DIS3L2: variants seen among roughly 807,000 people sequenced by gnomAD.
DIS3L2 encodes the protein DIS3 like 3'-5' exoribonuclease 2, also known as DIS3-like exonuclease 2.
Under a neutral mutation model 97.5 loss-of-function variants are expected in DIS3L2, and 34 were observed. That is an observed-to-expected ratio of 0.35 (90% CI 0.27 to 0.46). The LOEUF (loss-of-function observed/expected upper bound fraction) is 0.46. DIS3L2 is among the 20% of genes least tolerant of loss of function. The pLI is 1.00. For synonymous variants in DIS3L2, 435 were observed against 445.2 expected, an observed-to-expected ratio of 0.98 and a Z score of 0.29; for missense variants, 1,038 against 1,146.0, an observed-to-expected ratio of 0.91 and a Z score of 1.36.
Position 232,333,977 on chromosome 2 carries a change from T to A in DIS3L2, c.2148T>A (p.Ala716=), listed in dbSNP as rs778725550. 1.9e-6 allele frequency: 3 copies of A among 1,608,146 alleles called. No individual in the cohort carries two copies. The highest frequency in any genetic ancestry group is 2.5e-6 in the Non-Finnish European group (3 of 1,177,364). ...FADVLVHRLL[A]AALGYRERLD... is the part of the protein sequence containing the mutation. ...ACGTCCTGGTGCACCGCCTCCTGGCTGCCGCGTTAGGTGAGGGGTGCAGTC... is the reference window on the plus strand; with the variant it reads ...ACGTCCTGGTGCACCGCCTCCTGGCAGCCGCGTTAGGTGAGGGGTGCAGTC... Residue 716 remains alanine (A), a synonymous_variant, in exon 17 of 21, where the codon GCT becomes GCA. Transcript: ENST00000325385.
At position 232,232,283 on chromosome 2, in the gene DIS3L2, C is replaced by T. The variant is rs115569625; in HGVS notation, c.1205-6250C>T. 8.6e-3 allele frequency among the ~76,000 whole-genome samples: 1,306 copies of T among 152,216 alleles called. 15 individuals are homozygous for T. Among genetic ancestry groups the T allele is most frequent in the African/African-American group, 0.029 (1,223 of 41,516 alleles). On this transcript the variant is annotated intron_variant, in intron 10 of 20. Coordinates refer to ENST00000325385, the MANE Select transcript of DIS3L2 (RefSeq NM_152383.5). ...GCAGGCCACAGAAGCCAGGTCTGGG[C>T]TGCGTGCTCAGGGCAGCAGGGCCTC...
chr2:232,135,221 T>C (rs1698323720), intron 7 of DIS3L2, among the ~76,000 whole-genome samples: 1 of 152,106 alleles, frequency 6.6e-6, no homozygotes, highest in African/African-American at 2.4e-5. Flanking sequence ...GGCCAGACTG[T>C]AAGCCAGGTT....
At chr2:232,164,854 A>G (rs774968261) in intron 9 of DIS3L2, among the ~76,000 whole-genome samples, 11 of 152,196 alleles carry the variant, frequency 7.2e-5, no homozygotes, top group Admixed American at 2.0e-4. Flanking sequence ...GGCCCATAAC[A>G]TTAACCTCTC....
intron 10 of DIS3L2, among the ~76,000 whole-genome samples, chr2:232,232,177 T>G (rs1692810899): frequency 6.6e-6 from 1 of 150,660 alleles, no homozygotes; most frequent in Admixed American, 6.6e-5. Flanking sequence ...TCTTGTGAAG[T>G]GGTGATAGAG....
chr2:232,142,979 A>G (rs1307376179), intron 8 of DIS3L2, among the ~76,000 whole-genome samples: 2 of 152,214 alleles, frequency 1.3e-5, no homozygotes, highest in African/African-American at 4.8e-5. Flanking sequence ...GAGTAGTAAT[A>G]CGATAGTGGT....
At chr2:232,331,349 G>A (rs561568230) in intron 16 of DIS3L2, among the ~76,000 whole-genome samples, 52 of 152,320 alleles carry the variant, frequency 3.4e-4, no homozygotes, top group East Asian at 2.9e-3. Flanking sequence ...GAGGACCCTC[G>A]GGTCAGCGGG....
At chr2:232,050,640 A>T (rs146778626) in intron 5 of DIS3L2, among the ~76,000 whole-genome samples, 19 of 152,172 alleles carry the variant, frequency 1.2e-4, no homozygotes, top group African/African-American at 4.3e-4. Context: ...TCTTTTCCAG[A>T]TAGATCTTTA....
intron 11 of DIS3L2, among the ~76,000 whole-genome samples, chr2:232,246,174 G>C (rs1007816978): frequency 6.6e-6 from 1 of 152,186 alleles, no homozygotes; most frequent in African/African-American, 2.4e-5. Context: ...GACTGTGTAG[G>C]ATGGCCCCAA....
intron 9 of DIS3L2, among the ~76,000 whole-genome samples, chr2:232,175,538 G>A (rs572456317): frequency 4.6e-5 from 7 of 152,234 alleles, no homozygotes; most frequent in African/African-American, 1.7e-4. Context: ...GGAAGAGTTT[G>A]TGAAGAATTT....
chr2:232,192,123 G>A (rs1175092698), intron 9 of DIS3L2, among the ~76,000 whole-genome samples: 1 of 152,018 alleles, frequency 6.6e-6, no homozygotes. Context: ...GTGTACAGAA[G>A]TTTGATGTTT....
intron 14 of DIS3L2, among the ~76,000 whole-genome samples, chr2:232,313,558 G>A (rs1409773587): frequency 7.2e-5 from 11 of 152,130 alleles, no homozygotes; most frequent in Admixed American, 5.2e-4. Flanking sequence ...GTGAACCCAC[G>A]AGGTCGTAAA....
chr2:232,103,998 C>A (rs1050289348), intron 6 of DIS3L2, among the ~76,000 whole-genome samples: 2 of 152,002 alleles, frequency 1.3e-5, no homozygotes, highest in Middle Eastern at 3.2e-3. Flanking sequence ...CAGGTCCCCC[C>A]CCACCACCTT....
rs372560799 is a variant in DIS3L2, at chr2:232,334,452, C to T, written c.2242C>T (p.Arg748Cys). The T allele has an allele frequency of 3.4e-5, 55 of 1,613,958 alleles. No individual in the cohort carries two copies. The highest frequency in any genetic ancestry group is 2.5e-4 in the East Asian group (11 of 44,878). ...HCNDRRMASK[R>C]VQELSTSLFF... Reference sequence around the variant, plus strand: ...TAACGACCGCCGCATGGCGTCCAAGCGCGTGCAGGAGCTCAGTACCAGTCT... The same window carrying T: ...TAACGACCGCCGCATGGCGTCCAAGTGCGTGCAGGAGCTCAGTACCAGTCT... Residue 748 changes from arginine (R) to cysteine (C), a missense_variant, in exon 18 of 21, where the codon CGC becomes TGC. By Grantham distance (180) the Arg-to-Cys change is radical. Coordinates refer to ENST00000325385, the MANE Select transcript of DIS3L2 (RefSeq NM_152383.5).
intron 6 of DIS3L2, among the ~76,000 whole-genome samples, chr2:232,102,840 T>G (rs1189706967): frequency 2.6e-5 from 4 of 152,218 alleles, no homozygotes; most frequent in African/African-American, 9.6e-5. Context: ...AATTGCTTAT[T>G]CAATACAAAT....
At chr2:232,087,841 T>C (rs1696711732) in intron 6 of DIS3L2, 120 bp downstream of exon 6, 2 of 801,022 alleles carry the variant, frequency 2.5e-6, no homozygotes, top group Admixed American at 2.7e-5. Flanking sequence ...TTTTGACCTG[T>C]GGCAGCTTTC....
At chr2:232,116,675 G>A (rs1455089047) in intron 6 of DIS3L2, among the ~76,000 whole-genome samples, 1 of 152,148 alleles carries the variant, frequency 6.6e-6, no homozygotes, top group Non-Finnish European at 1.5e-5. Context: ...GCTAAAAACT[G>A]GGTCGTGTGG....
intron 13 of DIS3L2, among the ~76,000 whole-genome samples, chr2:232,283,286 G>A (rs182148968): frequency 6.0e-4 from 92 of 152,310 alleles, no homozygotes; most frequent in African/African-American, 1.9e-3. Context: ...ATTTGAGGCA[G>A]GGTCTTGCTC....
At chr2:232,267,595 C>G (rs535147189) in intron 13 of DIS3L2, among the ~76,000 whole-genome samples, 1 of 152,308 alleles carries the variant, frequency 6.6e-6, no homozygotes, top group Non-Finnish European at 1.5e-5. Flanking sequence ...GGGGCCCAGA[C>G]TTTTTTATGT....
chr2:232,101,820 A>G (rs1363913136), intron 6 of DIS3L2, among the ~76,000 whole-genome samples: 4 of 152,236 alleles, frequency 2.6e-5, no homozygotes, highest in South Asian at 2.1e-4. Context: ...ATAGCAATAT[A>G]TACAATACAG....
Sources: allele counts gnomAD v4.1 joint callset (sites outside exome capture counted in the v4.1 genomes callset), GRCh38; gene constraint gnomAD v4.1.1; transcripts MANE v1.5; gene names NCBI Gene and HGNC (gene_info 2026-07-23, HGNC 2026-07-21).